DEFB125: variants seen among roughly 807,000 people sequenced by gnomAD.
DEFB125 encodes defensin beta 125.
Under a neutral mutation model 11.8 loss-of-function variants are expected in DEFB125, and 11 were observed. The ratio of observed to expected loss-of-function variants is 0.94; its 90% confidence interval spans 0.59 to 1.55. The LOEUF (loss-of-function observed/expected upper bound fraction) is 1.55, where lower values mean the gene tolerates loss of function less well. Among genes scored for constraint, DEFB125 ranks in the 40% most tolerant of loss-of-function variants. DEFB125 has a pLI of 0.00. For missense variants in DEFB125, 198 were observed against 191.2 expected, an observed-to-expected ratio of 1.04 and a Z score of -0.21; for synonymous variants, 79 against 66.7, an observed-to-expected ratio of 1.18 and a Z score of -0.90.
chr20:89,448 G>A (rs1241372757), intron 1 of DEFB125, among the ~76,000 whole-genome samples: 1 of 152,072 alleles, frequency 6.6e-6, no homozygotes, highest in Non-Finnish European at 1.5e-5. Flanking sequence ...AAAATGTATA[G>A]CATACTTATA....
chr20:94,951 G>T (rs541204578), intron 1 of DEFB125, among the ~76,000 whole-genome samples: 1 of 152,282 alleles, frequency 6.6e-6, no homozygotes, highest in East Asian at 1.9e-4. Context: ...TGGCTGCTGG[G>T]CTTCCCTGTG....
At chr20:95,873 T>C (rs2054512705) in intron 1 of DEFB125, 132 bp from the exon 2 acceptor site, 1 of 806,398 alleles carries the variant, frequency 1.2e-6, no homozygotes. Flanking sequence ...CTCCTGTTTG[T>C]CTCTTACAAT....
At position 96,012 on chromosome 20, in the gene DEFB125, T is replaced by C; in HGVS notation, c.66T>C (p.Phe22=). 1 of 1,599,536 alleles carries C rather than the reference T, an allele frequency of 6.3e-7. No homozygotes were observed. The highest frequency in any genetic ancestry group is 8.6e-7 in the Non-Finnish European group (1 of 1,169,424). Residue 22 remains phenylalanine, a synonymous_variant, in exon 2 of 2, where the codon TTT becomes TTC. Coordinates refer to ENST00000382410, the MANE Select transcript of DEFB125 (RefSeq NM_153325.4). ...ATATTTTATTCTCTACAGGTAGCTT[T>C]GAACCCCAAAAATGTTGGAAGAATA... is the stretch of plus-strand genomic sequence containing the variant. ...GLLTRVTKGS[F]EPQKCWKNNV...
intron 1 of DEFB125, among the ~76,000 whole-genome samples, chr20:92,983 T>C (rs1411324255): frequency 6.6e-6 from 1 of 151,016 alleles, no homozygotes; most frequent in African/African-American, 2.4e-5. Context: ...TTTTTTTTTT[T>C]TTTTGAGATG....
At chr20:89,570 T>C (rs2054488835) in intron 1 of DEFB125, among the ~76,000 whole-genome samples, 1 of 152,064 alleles carries the variant, frequency 6.6e-6, no homozygotes. Flanking sequence ...TTAGCCAAAT[T>C]GTTTTTGCAT....
chr20:88,995 T>C (rs1324755085), intron 1 of DEFB125, among the ~76,000 whole-genome samples: 1 of 152,104 alleles, frequency 6.6e-6, no homozygotes, highest in Non-Finnish European at 1.5e-5. Flanking sequence ...TTGTTTTTTC[T>C]ACTACATTCA....
Position 96,575 on chromosome 20 carries a change from G to C in DEFB125, c.*158G>C, listed in dbSNP as rs1473562536. 16 of 822,886 alleles carry C rather than the reference G, an allele frequency of 1.9e-5. No homozygotes were observed. Among genetic ancestry groups the C allele is most frequent in the Middle Eastern group, 2.6e-4 (1 of 3,798 alleles). The allele number at this position is 822,886 out of a possible 1,614,324, so 51.0% of individuals were successfully genotyped here. ...GCTACTACCAACACAACAGCCAAGA[G>C]AGTTGCCTTACAATTAGAAATGTGT... On this transcript the variant is annotated 3_prime_UTR_variant, in exon 2 of 2. Coordinates refer to ENST00000382410, the MANE Select transcript of DEFB125 (RefSeq NM_153325.4).
At position 96,056 on chromosome 20, in the gene DEFB125, G is replaced by A. The variant is rs760912688; in HGVS notation, c.110G>A (p.Arg37Lys). The stretch of plus-strand genomic sequence containing the variant: ...AAGAATAATGTAGGACATTGCAGAA[G>A]ACGATGTTTAGATACTGAAAGGTAC... ...CWKNNVGHCR[R>K]RCLDTERYIL... The change falls in exon 2 of 2, where the codon AGA (arginine) becomes AAA (lysine). Residue 37 changes from arginine (R) to lysine (K), a missense_variant. Coordinates refer to ENST00000382410, the MANE Select transcript of DEFB125 (RefSeq NM_153325.4). The A allele has an allele frequency of 1.9e-6, 3 of 1,613,352 alleles. No homozygotes were observed. Among genetic ancestry groups the A allele is most frequent in the African/African-American group, 1.3e-5 (1 of 74,928 alleles).
At chr20:89,082 TATAA>T (rs533510113) in intron 1 of DEFB125, among the ~76,000 whole-genome samples, 48 of 152,354 alleles carry the variant, frequency 3.2e-4, no homozygotes, top group African/African-American at 1.1e-3. Flanking sequence ...ACACTTTAGT[TATAA>T]ATGAGTTTGA....
rs773571509 is a variant in DEFB125, at chr20:96,229, A to G, written c.283A>G (p.Met95Val). 1 of 1,614,210 alleles carries G rather than the reference A, an allele frequency of 6.2e-7. No homozygotes were observed. The highest frequency in any genetic ancestry group is 1.1e-5 in the South Asian group (1 of 91,092). ...CTCTTTTACTGGTTCCCCAGTATCTATGTTGAATGATCTGATAACATTTGA... is the reference window on the plus strand; with the variant it reads ...CTCTTTTACTGGTTCCCCAGTATCTGTGTTGAATGATCTGATAACATTTGA... ...VDSFTGSPVS[M>V]LNDLITFDTT... The change falls in exon 2 of 2, where the codon ATG becomes GTG. Residue 95 changes from methionine to valine, a missense_variant. Coordinates refer to ENST00000382410, the MANE Select transcript of DEFB125 (RefSeq NM_153325.4).
chr20:88,769 C>T (rs1257253959), intron 1 of DEFB125, among the ~76,000 whole-genome samples: 1 of 151,946 alleles, frequency 6.6e-6, no homozygotes, highest in Non-Finnish European at 1.5e-5. Flanking sequence ...AATTACTCCG[C>T]TACTGATGAA....
At chr20:95,200 C>A (rs904611907) in intron 1 of DEFB125, among the ~76,000 whole-genome samples, 2 of 152,088 alleles carry the variant, frequency 1.3e-5, no homozygotes, top group African/African-American at 4.8e-5. Flanking sequence ...GAGTCTTATT[C>A]TCCTGTTTTG....
At chr20:94,091 T>TC (rs1002636868) in intron 1 of DEFB125, among the ~76,000 whole-genome samples, 2 of 151,854 alleles carry the variant, frequency 1.3e-5, no homozygotes, top group African/African-American at 4.8e-5. Flanking sequence ...TTTTTTGGTT[T>TC]TTTTTTAATA....
intron 1 of DEFB125, among the ~76,000 whole-genome samples, 179 bp from the exon 2 acceptor site, chr20:95,826 A>G (rs2054512543): frequency 6.6e-6 from 1 of 151,908 alleles, no homozygotes; most frequent in Admixed American, 6.6e-5. Context: ...AACTTCTTTG[A>G]TGGCACATAG....
At chr20:92,710 C>T (rs2054500895) in intron 1 of DEFB125, among the ~76,000 whole-genome samples, 1 of 151,986 alleles carries the variant, frequency 6.6e-6, no homozygotes, top group Non-Finnish European at 1.5e-5. Flanking sequence ...CTTTTTTAGA[C>T]AACTATTTTG....
chr20:94,137 G>A (rs1600134976), intron 1 of DEFB125, among the ~76,000 whole-genome samples: 1 of 151,050 alleles, frequency 6.6e-6, no homozygotes. Context: ...ACTTTTAGTT[G>A]ATGTGTAATA....
chr20:87,838 G>T (rs2054481722), intron 1 of DEFB125, 71 bp downstream of exon 1: 3 of 1,515,732 alleles, frequency 2.0e-6, no homozygotes, highest in Non-Finnish European at 2.7e-6. Context: ...CTGGTATCAT[G>T]ATGGGAAGAG....
rs1206115684 is a variant in DEFB125 at position 96,844 on chromosome 20, T to C, written c.*427T>C. 2 of 158,944 alleles carry C rather than the reference T, an allele frequency of 1.3e-5. No individual in the cohort carries two copies. The highest frequency in any genetic ancestry group is 2.8e-5 in the Non-Finnish European group (2 of 72,276). The allele number at this position is 158,944 out of a possible 1,614,324, so 9.8% of individuals were successfully genotyped here. The stretch of plus-strand genomic sequence containing the variant: ...CACTACTATCGTATATAGGAGAACA[T>C]ATAAAAGCATATAGAAAGTTCCAGA... On this transcript the variant is annotated 3_prime_UTR_variant, in exon 2 of 2. Coordinates refer to ENST00000382410, the MANE Select transcript of DEFB125 (RefSeq NM_153325.4).
rs1209467755 is a variant in DEFB125, at chr20:96,417, A to G, written c.471A>G (p.Ter157=). 6.2e-7 allele frequency: 1 copy of G among 1,605,522 alleles called. No homozygotes were observed. The highest frequency in any genetic ancestry group is 1.1e-5 in the South Asian group (1 of 90,316). The change falls in exon 2 of 2, where the codon TAA becomes TAG. Residue 157 remains the stop codon, a stop_retained_variant. Coordinates refer to ENST00000382410, the MANE Select transcript of DEFB125 (RefSeq NM_153325.4). The part of the protein sequence containing the change: ...PPSQTALTHN[*] ...CTCAGACAGCTCTTACTCATAATTA[A>G]TTAACATTTACTTCTGGTATGGAAC...
Sources: allele counts gnomAD v4.1 joint callset (sites outside exome capture counted in the v4.1 genomes callset), GRCh38; gene constraint gnomAD v4.1.1; transcripts MANE v1.5; gene names NCBI Gene and HGNC (gene_info 2026-07-23, HGNC 2026-07-21).